RPA3: variants seen among roughly 807,000 people sequenced by gnomAD.
RPA3 encodes replication protein A 14 kDa subunit.
Under a neutral mutation model 13.7 loss-of-function variants are expected in RPA3, and 24 were observed. That is an observed-to-expected ratio of 1.75 (90% CI 1.27 to 2.46). The LOEUF (loss-of-function observed/expected upper bound fraction) is 2.46. RPA3 is among the 30% of genes most tolerant of loss of function. The probability of loss-of-function intolerance (pLI) is 0.00; values close to 1 mark genes in which losing one functional copy is unlikely to be tolerated. For missense variants in RPA3, 183 were observed against 151.0 expected (o/e 1.21, Z -1.11); for synonymous variants, 59 against 51.2 (o/e 1.15, Z -0.65).
intron 2 of RPA3, among the ~76,000 whole-genome samples, chr7:7,697,222 C>A (rs1359345041): frequency 6.6e-6 from 1 of 152,162 alleles, no homozygotes; most frequent in Non-Finnish European, 1.5e-5. Flanking sequence ...TTGCAACAGT[C>A]CTGATTGGCT....
intron 7 of RPA3, among the ~76,000 whole-genome samples, chr7:7,637,576 ACTGTTTTCCTGTATGTTTATGTTATGT>A (rs1480603077): frequency 1.9e-3 from 291 of 151,732 alleles, no homozygotes; most frequent in Middle Eastern, 0.014. Context: ...TAAAAATAAA[ACTGTTTTCCTGTATGTTTATGTTATGT>A]AATTGTATGT....
At chr7:7,639,540 T>C (rs553810260) in intron 5 of RPA3, among the ~76,000 whole-genome samples, 4 of 152,178 alleles carry the variant, frequency 2.6e-5, no homozygotes, top group African/African-American at 9.7e-5. Context: ...GAGAACTGGT[T>C]GCTAGAATAT....
chr7:7,681,935 T>A (rs1779922760), intron 4 of RPA3, among the ~76,000 whole-genome samples: 1 of 152,126 alleles, frequency 6.6e-6, no homozygotes, highest in Non-Finnish European at 1.5e-5. Context: ...TATTATGTTA[T>A]AGCAAAAAGA....
At chr7:7,701,301 T>G (rs1336738080) in intron 2 of RPA3, among the ~76,000 whole-genome samples, 2 of 152,152 alleles carry the variant, frequency 1.3e-5, no homozygotes, top group Admixed American at 6.5e-5. Context: ...AGTTAAAATT[T>G]TAAGGGGAAA....
At chr7:7,659,513 C>T (rs923883314) in intron 4 of RPA3, among the ~76,000 whole-genome samples, 4 of 152,106 alleles carry the variant, frequency 2.6e-5, no homozygotes, top group Non-Finnish European at 5.9e-5. Flanking sequence ...TATTTTTGTT[C>T]TCATTGGTTT....
At chr7:7,674,915 C>A (rs547904595) in intron 4 of RPA3, among the ~76,000 whole-genome samples, 4 of 152,118 alleles carry the variant, frequency 2.6e-5, no homozygotes, top group Admixed American at 1.3e-4. Context: ...CTCTTGTTTT[C>A]CACTCTGTTA....
At chr7:7,683,116 G>A (rs1290647457) in intron 4 of RPA3, among the ~76,000 whole-genome samples, 1 of 152,228 alleles carries the variant, frequency 6.6e-6, no homozygotes, top group African/African-American at 2.4e-5. Flanking sequence ...CTCAGAGGCA[G>A]AACTGAGCCT....
At chr7:7,704,230 C>T (rs370091594) in intron 2 of RPA3, among the ~76,000 whole-genome samples, 4 of 152,226 alleles carry the variant, frequency 2.6e-5, no homozygotes, top group South Asian at 4.1e-4. Context: ...ACTCTTTTTA[C>T]TACCTTTCTT....
intron 4 of RPA3, chr7:7,673,350 A>T: frequency 7.8e-7 from 1 of 1,280,768 alleles, no homozygotes; most frequent in Non-Finnish European, 1.1e-6. Context: ...CAGCAGCAGC[A>T]GCAGCAGCAG....
Position 7,680,843 on chromosome 7 carries a change from G to C in RPA3, c.-758+4987C>G, listed in dbSNP as rs554672047. Among the ~76,000 whole-genome samples, 235 of 151,126 alleles carry C rather than the reference G, an allele frequency of 1.6e-3. 2 individuals carry two copies. Among genetic ancestry groups the C allele is most frequent in the African/African-American group, 4.2e-3 (175 of 41,178 alleles). On this transcript the variant is annotated intron_variant, in intron 4 of 7. Coordinates refer to ENST00000223129, the MANE Select transcript of RPA3 (RefSeq NM_002947.5). Reference sequence around the variant, plus strand: ...ACTTTCTTGGTTTCTTTTTCAAATTGTTTGCTGTTGGCATATAAAAATGCT... The same window carrying C: ...ACTTTCTTGGTTTCTTTTTCAAATTCTTTGCTGTTGGCATATAAAAATGCT...
At chr7:7,713,339 A>G (rs1046657056) in intron 2 of RPA3, among the ~76,000 whole-genome samples, 105 of 152,106 alleles carry the variant, frequency 6.9e-4, no homozygotes, top group African/African-American at 2.5e-3. Context: ...GTGAGACTCC[A>G]TCTCAAAACA....
Position 7,639,061 on chromosome 7 carries a change from T to TA in RPA3, c.174+8dup, listed in dbSNP as rs766057471. The TA allele has an allele frequency of 6.2e-7, 1 of 1,602,602 alleles. No homozygotes were observed. Among genetic ancestry groups the TA allele is most frequent in the African/African-American group, 1.3e-5 (1 of 74,356 alleles). ...AATATATAAGAGACTTATTAACACT[T>TA]AAACATACGGGTTCCATCAACTCGA... is the stretch of plus-strand genomic sequence containing the variant. On this transcript the variant is annotated intron_variant, in intron 6 of 7. Coordinates refer to ENST00000223129, the MANE Select transcript of RPA3 (RefSeq NM_002947.5).
intron 6 of RPA3, chr7:7,638,197 G>T: frequency 2.6e-6 from 1 of 389,748 alleles, no homozygotes. Context: ...CAAGTCCAAA[G>T]CTACAATTCA....
At chr7:7,680,148 T>C (rs1428328076) in intron 4 of RPA3, among the ~76,000 whole-genome samples, 1 of 152,170 alleles carries the variant, frequency 6.6e-6, no homozygotes, top group East Asian at 1.9e-4. Context: ...TGCCCAATGC[T>C]TTCTTCTAGT....
At chr7:7,645,450 A>C (rs1785071936) in intron 4 of RPA3, among the ~76,000 whole-genome samples, 1 of 152,162 alleles carries the variant, frequency 6.6e-6, no homozygotes, top group African/African-American at 2.4e-5. Context: ...ATCTAGTTCC[A>C]TATTTATGGT....
At chr7:7,641,383 C>A (rs1043043494) in intron 4 of RPA3, 2 of 152,186 alleles carry the variant, frequency 1.3e-5, no homozygotes, top group African/African-American at 2.4e-5. Context: ...GCTAGGGTTC[C>A]CCGAGCTAGG....
intron 4 of RPA3, among the ~76,000 whole-genome samples, chr7:7,655,106 TC>T: frequency 6.6e-6 from 1 of 152,144 alleles, no homozygotes; most frequent in East Asian, 1.9e-4. Flanking sequence ...TCCAGACAGT[TC>T]CTGGTAGTAG....
intron 2 of RPA3, among the ~76,000 whole-genome samples, chr7:7,694,659 C>T (rs1162239651): frequency 2.6e-5 from 4 of 152,060 alleles, no homozygotes; most frequent in African/African-American, 9.7e-5. Flanking sequence ...CTCTGCCTGA[C>T]TTATTTCACT....
At chr7:7,649,780 C>G (rs1785183922) in intron 4 of RPA3, among the ~76,000 whole-genome samples, 1 of 152,052 alleles carries the variant, frequency 6.6e-6, no homozygotes, top group Non-Finnish European at 1.5e-5. Flanking sequence ...AATCCTAACC[C>G]CTAAGGTGAT....
Sources: gnomAD v4.1 joint callset for allele counts (sites outside exome capture counted in the v4.1 genomes callset) on GRCh38, gnomAD v4.1.1 for gene constraint, MANE v1.5 for transcripts, NCBI Gene and HGNC (gene_info 2026-07-23, HGNC 2026-07-21) for gene names.